The following NOP53 variants were observed in gnomAD, a reference collection of about 807,000 sequenced individuals.
The protein encoded by NOP53 is NOP53 ribosome biogenesis factor, also known as ribosome biogenesis protein NOP53.
Under a neutral mutation model 61.0 loss-of-function variants are expected in NOP53, and 40 were observed. The ratio of observed to expected loss-of-function variants is 0.66; its 90% CI spans 0.51 to 0.85. The LOEUF is 0.85. Among genes scored for constraint, NOP53 ranks in the 40% least tolerant of loss-of-function variants. NOP53 has a pLI of 0.00. For synonymous variants in NOP53, 308 were observed against 289.5 expected, an observed-to-expected ratio of 1.06 and a Z score of -0.65; for missense variants, 689 against 652.9, an observed-to-expected ratio of 1.06 and a Z score of -0.60.
At chr19:47,751,358 C>G in intron 4 of NOP53, 162 bp from the exon 5 acceptor site, 1 of 652,448 alleles carries the variant, frequency 1.5e-6, no homozygotes, top group East Asian at 2.7e-5. Flanking sequence ...CGTCCAGACA[C>G]AGTTTTGTCC....
rs542878536 is a variant in NOP53 at position 47,750,045 on chromosome 19, G to C, written c.290-133G>C. 2.0e-4 allele frequency: 120 copies of C among 588,016 alleles called. 1 individual carries two copies. Among genetic ancestry groups the C allele is most frequent in the Admixed American group, 7.0e-4 (25 of 35,590 alleles). The allele number at this position is 588,016 out of a possible 1,614,324, so 36.4% of individuals were successfully genotyped here. A position where few individuals can be genotyped will look rare whatever the true frequency, so the allele number is the denominator to read the frequency against. On this transcript the variant is annotated intron_variant, in intron 2 of 12. Coordinates refer to ENST00000246802, the MANE Select transcript of NOP53 (RefSeq NM_015710.5). ...TAGGGGCCTCTACCTCCAGGTAGGA[G>C]CCTGGGGACCTCCAAGTCTCCTGGG...
rs377320767 is a variant in NOP53, at chr19:47,747,007, G to A, written c.265G>A (p.Val89Met). ...GGCCCCAAATGAAAAACTCTTCTTC[G>A]TGGACACTGGCTCCAAGGAAAAAGG... ...SEAPNEKLFF[V>M]DTGSKEKGLT... The change falls in exon 2 of 13, where the codon GTG becomes ATG. Residue 89 changes from valine to methionine, a missense_variant. Physicochemically the swap from Val to Met is conservative, Grantham distance 21 (BLOSUM62 1). Transcript: ENST00000246802. The A allele has an allele frequency of 3.1e-6, 5 of 1,613,780 alleles. No individual in the cohort carries two copies. Among genetic ancestry groups the A allele is most frequent in the Non-Finnish European group, 3.4e-6 (4 of 1,179,770 alleles).
chr19:47,745,749 C>A lies in NOP53; in HGVS notation c.190C>A (p.Leu64Met). ...GCTGGGGCTGGAGGTTGACCAGTTC[C>A]TGGAAGACGTGCGGCTACAGGAGCG... ...EPLGLEVDQFLEDVRLQERTS... is the reference protein window; with the variant it reads ...EPLGLEVDQFMEDVRLQERTS... Residue 64 changes from leucine (L) to methionine (M), a missense_variant, in exon 1 of 13, where the codon CTG becomes ATG. Transcript: ENST00000246802. 1 of 1,594,418 alleles carries A rather than the reference C, an allele frequency of 6.3e-7. No homozygotes were observed. The highest frequency in any genetic ancestry group is 1.8e-5 in the Admixed American group (1 of 56,728).
chr19:47,747,076 TAGTC>T (rs764650773), intron 2 of NOP53, 45 bp downstream of exon 2: 3 of 1,461,192 alleles, frequency 2.1e-6, no homozygotes, highest in East Asian at 2.3e-5. Context: ...TATTCATTGT[TAGTC>T]AGCTTACGGT....
intron 1 of NOP53, 150 bp from the exon 2 acceptor site, chr19:47,746,817 C>A (rs556614306): frequency 1.6e-6 from 1 of 635,666 alleles, no homozygotes; most frequent in African/African-American, 1.8e-5. Context: ...TTCCTAAATA[C>A]TAAGTTCTGT....
At chr19:47,750,797 G>A (rs1967114618) in intron 3 of NOP53, 111 bp from the exon 4 acceptor site, 4 of 835,204 alleles carry the variant, frequency 4.8e-6, no homozygotes, top group East Asian at 2.6e-5. Flanking sequence ...CTTTTGGAGA[G>A]GGGGTGCTGA....
chr19:47,747,884 G>A (rs1298209206), intron 2 of NOP53, among the ~76,000 whole-genome samples: 34 of 139,340 alleles, frequency 2.4e-4, no homozygotes, highest in Admixed American at 1.4e-3. Flanking sequence ...AGGTTCAAGC[G>A]ATTCTCCTGC....
intron 1 of NOP53, 172 bp from the exon 2 acceptor site, chr19:47,746,795 G>T (rs763926649): frequency 1.8e-6 from 1 of 562,774 alleles, no homozygotes; most frequent in Non-Finnish European, 3.2e-6. Context: ...GAGCCACTGC[G>T]CCTGGCAGTC....
Position 47,752,595 on chromosome 19 carries a change from T to G in NOP53, c.753T>G (p.Phe251Leu). 6.2e-7 allele frequency: 1 copy of G among 1,603,412 alleles called. No homozygotes were observed. Among genetic ancestry groups the G allele is most frequent in the Non-Finnish European group, 8.5e-7 (1 of 1,170,724 alleles). The change falls in exon 6 of 13, where the codon TTT (phenylalanine) becomes TTG (leucine). Residue 251 changes from phenylalanine (F) to leucine (L), a missense_variant. Phe to Leu is a conservative substitution (Grantham distance 22). Coordinates refer to ENST00000246802, the MANE Select transcript of NOP53 (RefSeq NM_015710.5). ...APAGASYNPS[F>L]EDHQTLLSAA... Reference sequence around the variant, plus strand: ...CCGGAGCTTCCTACAATCCATCCTTTGAAGACCACCAGGTACACTGCCCCG... The same window carrying G: ...CCGGAGCTTCCTACAATCCATCCTTGGAAGACCACCAGGTACACTGCCCCG...
Position 47,750,249 on chromosome 19 carries a change from A to G in NOP53, c.361A>G (p.Ile121Val). 1 of 1,611,200 alleles carries G rather than the reference A, an allele frequency of 6.2e-7. No homozygotes were observed. Among genetic ancestry groups the G allele is most frequent in the South Asian group, 1.1e-5 (1 of 91,020 alleles). The stretch of plus-strand genomic sequence containing the variant: ...CAAGAAACCCCTTCGGGTTGACCTC[A>G]TCCTCGAGAACACATCCAAAGTCCC... ...LLKKPLRVDL[I>V]LENTSKVPAP... is the part of the protein sequence containing the mutation. Residue 121 changes from isoleucine to valine, a missense_variant, in exon 3 of 13, where the codon ATC (isoleucine) becomes GTC (valine). By Grantham distance (29) the Ile-to-Val change is conservative. Coordinates refer to ENST00000246802, the MANE Select transcript of NOP53 (RefSeq NM_015710.5).
intron 10 of NOP53, 123 bp from the exon 11 acceptor site, chr19:47,756,404 TG>T: frequency 1.4e-6 from 1 of 691,224 alleles, no homozygotes; most frequent in Non-Finnish European, 2.4e-6. Context: ...GCTGAGTCCC[TG>T]GTGCCCACAG....
chr19:47,752,302 A>G (rs555429058), intron 5 of NOP53, among the ~76,000 whole-genome samples: 4 of 152,154 alleles, frequency 2.6e-5, no homozygotes, highest in South Asian at 2.1e-4. Flanking sequence ...GGTGCTTACA[A>G]TCTCCGGGGC....
At position 47,754,943 on chromosome 19, in the gene NOP53, C is replaced by T. The variant is rs2123678251; in HGVS notation, c.1053+52C>T. On this transcript the variant is annotated intron_variant, in intron 8 of 12. Transcript: ENST00000246802. This position sits in a 1 kb window ranked among gnomAD's most constrained non-coding sequence, Gnocchi z 4.2. ...CCTCTGATGCCTCGCCCCCTTCCTTCCTTCCTCCCACCATGGGCTGCCCTG... is the reference window on the plus strand; with the variant it reads ...CCTCTGATGCCTCGCCCCCTTCCTTTCTTCCTCCCACCATGGGCTGCCCTG... 2 of 1,442,000 alleles carry T rather than the reference C, an allele frequency of 1.4e-6. No homozygotes were observed. Among genetic ancestry groups the T allele is most frequent in the Non-Finnish European group, 1.8e-6 (2 of 1,098,200 alleles). The allele number at this position is 1,442,000 out of a possible 1,614,324, so 89.3% of individuals were successfully genotyped here.
rs1161228270 is a variant in NOP53, at chr19:47,745,636, G to A, written c.77G>A (p.Arg26Gln). The change falls in exon 1 of 13, where the codon CGG (arginine) becomes CAG (glutamine). Residue 26 changes from arginine (R) to glutamine (Q), a missense_variant. Coordinates refer to ENST00000246802, the MANE Select transcript of NOP53 (RefSeq NM_015710.5). ...SDADSGFLGL[R>Q]PTSVDPALRR... ...GCCGATTCTGGTTTCCTGGGGCTGC[G>A]GCCCACTTCGGTGGACCCAGCGCTG... 1 of 1,613,988 alleles carries A rather than the reference G, an allele frequency of 6.2e-7. No homozygotes were observed. Among genetic ancestry groups the A allele is most frequent in the Admixed American group, 1.7e-5 (1 of 60,012 alleles).
At chr19:47,746,060 C>A in intron 1 of NOP53, 2 of 474,674 alleles carry the variant, frequency 4.2e-6, no homozygotes. Context: ...AGCATAAATA[C>A]GTTCCATGCA....
At chr19:47,756,352 T>G in intron 10 of NOP53, 176 bp from the exon 11 acceptor site, 1 of 601,940 alleles carries the variant, frequency 1.7e-6, no homozygotes, top group Non-Finnish European at 3.0e-6. Context: ...CATAGGTTGG[T>G]GGCTGTCATC....
At chr19:47,752,823 G>A in intron 6 of NOP53, 1 of 532,624 alleles carries the variant, frequency 1.9e-6, no homozygotes, top group South Asian at 2.6e-5. Context: ...GGCCCAGCCT[G>A]GGGGGTCAGG....
At position 47,755,623 on chromosome 19, in the gene NOP53, C is replaced by T. The variant is rs536788697; in HGVS notation, c.1229+100C>T. The T allele has an allele frequency of 7.3e-5, 98 of 1,334,096 alleles. No homozygotes were observed. In the East Asian group the frequency reaches 1.7e-3, roughly 23 times the overall value. 82.6% of individuals were successfully genotyped at this position (1,334,096 alleles called of 1,614,324 possible). On this transcript the variant is annotated intron_variant, in intron 9 of 12. Transcript: ENST00000246802. ...TTGTTCAGGAACTGCCCACCCCCCC[C>T]ATCGGGAGACCACCTCTTCCCCCAC...
chr19:47,755,329 C>T lies in NOP53; in HGVS notation c.1054-19C>T, dbSNP rs779402572. Reference sequence around the variant, plus strand: ...TGGGCAGCACCGGCCTGAGCCCTGACCCTCCCCCGTCTCCACAGCGGGTAC... The same window carrying T: ...TGGGCAGCACCGGCCTGAGCCCTGATCCTCCCCCGTCTCCACAGCGGGTAC... On this transcript the variant is annotated intron_variant, in intron 8 of 12. Transcript: ENST00000246802. 6 of 1,467,620 alleles carry T rather than the reference C, an allele frequency of 4.1e-6. No homozygotes were observed. Among genetic ancestry groups the T allele is most frequent in the Non-Finnish European group, 3.6e-6 (4 of 1,115,892 alleles). 90.9% of individuals were successfully genotyped at this position (1,467,620 alleles called of 1,614,324 possible). A position where few individuals can be genotyped will look rare whatever the true frequency, so the allele number is the denominator to read the frequency against.
Sources: gnomAD v4.1 joint callset for allele counts (sites outside exome capture counted in the v4.1 genomes callset) on GRCh38, gnomAD v4.1.1 for gene constraint, Gnocchi (gnomAD v3.1) non-coding constraint, MANE v1.5 for transcripts, NCBI Gene and HGNC (gene_info 2026-07-23, HGNC 2026-07-21) for gene names.